SLC10A7: variants seen among roughly 807,000 people sequenced by gnomAD.
The protein encoded by SLC10A7 is solute carrier family 10 member 7.
A neutral mutation model predicts 43.2 loss-of-function variants in SLC10A7; 29 were observed. That is an observed-to-expected ratio of 0.67 (90% confidence interval 0.50 to 0.92). The LOEUF is 0.92. Ranked by LOEUF, SLC10A7 falls within the 40% of genes least tolerant of loss-of-function variation. The pLI is 0.00. For synonymous variants in SLC10A7, 152 were observed against 144.8 expected (o/e 1.05, Z -0.35); for missense variants, 295 against 403.2 (o/e 0.73, Z 2.30).
At chr4:146,377,922 T>C (rs1477373533) in intron 5 of SLC10A7, among the ~76,000 whole-genome samples, 1 of 152,188 alleles carries the variant, frequency 6.6e-6, no homozygotes, top group Non-Finnish European at 1.5e-5. Flanking sequence ...TAAGTAAAGA[T>C]ACTACTAACA....
At chr4:146,458,238 T>C (rs1456277943) in intron 4 of SLC10A7, among the ~76,000 whole-genome samples, 2 of 151,686 alleles carry the variant, frequency 1.3e-5, no homozygotes, top group African/African-American at 4.8e-5. Context: ...ATATAATCAT[T>C]TCAATAGGTA....
At chr4:146,509,007 C>G (rs1737188833) in intron 3 of SLC10A7, among the ~76,000 whole-genome samples, 1 of 152,192 alleles carries the variant, frequency 6.6e-6, no homozygotes, top group Admixed American at 6.5e-5. Context: ...CAGGCTTGAT[C>G]CTGCCCTAGA....
intron 5 of SLC10A7, among the ~76,000 whole-genome samples, chr4:146,401,384 A>T (rs1739214282): frequency 6.6e-6 from 1 of 152,172 alleles, no homozygotes. Flanking sequence ...AATGAAATAC[A>T]AAAGGAGAGG....
At chr4:146,452,026 C>A (rs1731646346) in intron 4 of SLC10A7, among the ~76,000 whole-genome samples, 1 of 152,080 alleles carries the variant, frequency 6.6e-6, no homozygotes. Flanking sequence ...CTTGCTAAAG[C>A]CACTTTTAGT....
At chr4:146,442,062 T>G in intron 5 of SLC10A7, 1 of 979,020 alleles carries the variant, frequency 1.0e-6, no homozygotes, top group Non-Finnish European at 1.2e-6. Flanking sequence ...CTTCAGGAAT[T>G]TAACAAAGTT....
intron 5 of SLC10A7, among the ~76,000 whole-genome samples, chr4:146,379,935 TTC>T (rs5862757): frequency 0.49 from 71,904 of 146,036 alleles, 17,482 homozygotes; most frequent in Admixed American, 0.56. Flanking sequence ...TGACAAATAA[TTC>T]TCTCTCTCTC....
chr4:146,436,646 A>C (rs551022778), intron 5 of SLC10A7, among the ~76,000 whole-genome samples: 144 of 152,072 alleles, frequency 9.5e-4, no homozygotes, highest in Non-Finnish European at 1.7e-3. Flanking sequence ...GGACATGTGC[A>C]CAGAGAATTA....
intron 4 of SLC10A7, among the ~76,000 whole-genome samples, chr4:146,445,220 T>C (rs1307421157): frequency 6.6e-6 from 1 of 152,190 alleles, no homozygotes; most frequent in African/African-American, 2.4e-5. Context: ...GGTAATTCTA[T>C]TTAATTTTAA....
chr4:146,457,968 G>A (rs545217003), intron 4 of SLC10A7, among the ~76,000 whole-genome samples: 16 of 151,626 alleles, frequency 1.1e-4, no homozygotes, highest in African/African-American at 2.2e-4. Context: ...AAGAAAATTC[G>A]CCAAATCATT....
At chr4:146,376,870 T>C (rs1366154089) in intron 5 of SLC10A7, among the ~76,000 whole-genome samples, 7 of 152,122 alleles carry the variant, frequency 4.6e-5, no homozygotes, top group African/African-American at 1.4e-4. Context: ...GACCTCACAA[T>C]CTGTATTTGT....
At chr4:146,350,181 T>A (rs956321544) in intron 5 of SLC10A7, among the ~76,000 whole-genome samples, 17 of 142,450 alleles carry the variant, frequency 1.2e-4, no homozygotes, top group African/African-American at 1.1e-4. Flanking sequence ...GCGCGCACCG[T>A]GCGCTAGCCG....
At chr4:146,274,286 C>T (rs1443847538) in intron 10 of SLC10A7, among the ~76,000 whole-genome samples, 1 of 150,836 alleles carries the variant, frequency 6.6e-6, no homozygotes, top group Non-Finnish European at 1.5e-5. Flanking sequence ...TCACTGCAAC[C>T]TCTGCCTCCC....
intron 4 of SLC10A7, among the ~76,000 whole-genome samples, chr4:146,452,519 A>T (rs1004152559): frequency 1.4e-4 from 22 of 152,118 alleles, no homozygotes; most frequent in Non-Finnish European, 2.9e-4. Context: ...AAGTCAAAAA[A>T]ATAAGAAATA....
intron 5 of SLC10A7, among the ~76,000 whole-genome samples, chr4:146,434,797 C>T (rs557677709): frequency 9.9e-5 from 15 of 152,186 alleles, no homozygotes; most frequent in African/African-American, 1.9e-4. Flanking sequence ...CTCCTGACCT[C>T]GTGATCCACT....
rs963598023 is a variant in SLC10A7, at chr4:146,254,754, A to G, written c.*1737T>C. ...CTTCCATTTACTCCAAAATTCAAAG[A>G]AACTTGTAGGAACAAAACCTAAGAG... On this transcript the variant is annotated 3_prime_UTR_variant, in exon 12 of 12. Transcript: ENST00000335472. 3.3e-5 allele frequency: 5 copies of G among 152,196 alleles called. No homozygotes were observed. Among genetic ancestry groups the G allele is most frequent in the Non-Finnish European group, 7.3e-5 (5 of 68,032 alleles). 9.4% of individuals were successfully genotyped at this position (152,196 alleles called of 1,614,324 possible).
intron 5 of SLC10A7, among the ~76,000 whole-genome samples, chr4:146,351,620 A>C (rs1481559631): frequency 6.6e-6 from 1 of 152,084 alleles, no homozygotes; most frequent in East Asian, 1.9e-4. Context: ...AAAAAATGTT[A>C]AGGGCAGCCA....
chr4:146,338,183 T>C lies in SLC10A7; in HGVS notation c.436-12187A>G, dbSNP rs191815063. On this transcript the variant is annotated intron_variant, in intron 5 of 11. Coordinates refer to ENST00000335472, the MANE Select transcript of SLC10A7 (RefSeq NM_001029998.6). ...AATGTTTCTCTCATGGAGCAGCATATCCATTTGATAAGAAACACACACACT... is the reference window on the plus strand; with the variant it reads ...AATGTTTCTCTCATGGAGCAGCATACCCATTTGATAAGAAACACACACACT... 2.0e-5 allele frequency among the ~76,000 whole-genome samples: 3 copies of C among 152,106 alleles called. No homozygotes were observed. In the East Asian group the frequency reaches 5.8e-4, roughly 29 times the overall value.
Position 146,266,053 on chromosome 4 carries a change from C to A in SLC10A7, c.848-7216G>T, listed in dbSNP as rs188023148. Among the ~76,000 whole-genome samples, 3 of 152,300 alleles carry A rather than the reference C, an allele frequency of 2.0e-5. No homozygotes were observed. In the East Asian group the frequency reaches 5.8e-4, roughly 29 times the overall value. On this transcript the variant is annotated intron_variant, in intron 10 of 11. Transcript: ENST00000335472. ...CGCCTGAATTTACATGACTTGTTTT[C>A]CATTTAAATGCTTTCTCTGACTTTT...
At chr4:146,377,201 A>G (rs1737262949) in intron 5 of SLC10A7, among the ~76,000 whole-genome samples, 1 of 152,104 alleles carries the variant, frequency 6.6e-6, no homozygotes, top group Non-Finnish European at 1.5e-5. Context: ...GACGGGGAGG[A>G]AAGTCTTTGA....
Sources: gnomAD v4.1 joint callset for allele counts (sites outside exome capture counted in the v4.1 genomes callset) on GRCh38, gnomAD v4.1.1 for gene constraint, MANE v1.5 for transcripts, NCBI Gene and HGNC (gene_info 2026-07-23, HGNC 2026-07-21) for gene names.